SNTG1: variants seen among roughly 807,000 people sequenced by gnomAD.
SNTG1 encodes the protein syntrophin gamma 1, also known as gamma-1-syntrophin.
In SNTG1, 39 loss-of-function variants were observed where a neutral mutation model predicts 74.7. That is an observed-to-expected ratio of 0.52 (90% confidence interval 0.40 to 0.68). The LOEUF (loss-of-function observed/expected upper bound fraction) is 0.68, where lower values mean the gene tolerates loss of function less well. Ranked by LOEUF, SNTG1 falls within the 30% of genes least tolerant of loss-of-function variation. The pLI is 0.00. For missense variants in SNTG1, 685 were observed against 609.5 expected, an observed-to-expected ratio of 1.12 and a Z score of -1.30; for synonymous variants, 254 against 217.1, an observed-to-expected ratio of 1.17 and a Z score of -1.49.
At chr8:50,327,511 G>C (rs1459844282) in intron 2 of SNTG1, among the ~76,000 whole-genome samples, 1 of 152,066 alleles carries the variant, frequency 6.6e-6, no homozygotes, top group Non-Finnish European at 1.5e-5. Context: ...AACATTGTAT[G>C]TCTTTCTGTA....
rs112728682 is a variant in SNTG1, at chr8:50,361,719, C to T, written c.-27-32493C>T. Among the ~76,000 whole-genome samples, 241 of 152,064 alleles carry T rather than the reference C, an allele frequency of 1.6e-3. 3 individuals carry two copies. The highest frequency in any genetic ancestry group is 0.01 in the Middle Eastern group (3 of 294). ...ATTTTTCAGTTCCTTTATAATCTTA[C>T]GGGACCACTTAACATGAACCTAGGA... is the stretch of plus-strand genomic sequence containing the variant. On this transcript the variant is annotated intron_variant, in intron 2 of 18. Transcript: ENST00000642720.
chr8:50,508,822 C>T (rs1163964998), intron 9 of SNTG1, among the ~76,000 whole-genome samples: 1 of 152,002 alleles, frequency 6.6e-6, no homozygotes, highest in African/African-American at 2.4e-5. Context: ...GGATATTAGC[C>T]CTTTTTCAGA....
chr8:50,445,792 G>T (rs2093401386), intron 5 of SNTG1, among the ~76,000 whole-genome samples: 1 of 152,172 alleles, frequency 6.6e-6, no homozygotes, highest in African/African-American at 2.4e-5. Context: ...GGAGAAGATG[G>T]TGATGAAAGC....
At chr8:50,775,547 T>C (rs1020661742) in intron 18 of SNTG1, among the ~76,000 whole-genome samples, 6 of 151,844 alleles carry the variant, frequency 4.0e-5, no homozygotes, top group Middle Eastern at 3.4e-3. Flanking sequence ...GCCCCCAGTA[T>C]GGTCAAGTTT....
intron 18 of SNTG1, among the ~76,000 whole-genome samples, chr8:50,755,909 A>G (rs1490791328): frequency 6.6e-6 from 1 of 151,290 alleles, no homozygotes; most frequent in African/African-American, 2.4e-5. Context: ...ATTCTTTGGT[A>G]AGGTATCTGT....
chr8:50,196,763 C>A (rs2083784439), intron 2 of SNTG1, among the ~76,000 whole-genome samples: 1 of 151,144 alleles, frequency 6.6e-6, no homozygotes, highest in Non-Finnish European at 1.5e-5. Flanking sequence ...TTGAGATTAG[C>A]CTGGCCAACA....
chr8:50,004,164 G>A (rs1815000342), intron 1 of SNTG1, among the ~76,000 whole-genome samples: 2 of 152,016 alleles, frequency 1.3e-5, no homozygotes, highest in East Asian at 1.9e-4. Flanking sequence ...GTATGAAAAC[G>A]TACACAAACC....
chr8:50,577,718 T>C (rs2094585161), intron 12 of SNTG1, among the ~76,000 whole-genome samples: 1 of 152,206 alleles, frequency 6.6e-6, no homozygotes, highest in Admixed American at 6.5e-5. Context: ...CCCTCATTAG[T>C]CAGGAAAATA....
At chr8:50,619,507 A>G (rs113879829) in intron 13 of SNTG1, among the ~76,000 whole-genome samples, 6,554 of 152,230 alleles carry the variant, frequency 0.043, 247 homozygotes, top group African/African-American at 0.094. Flanking sequence ...CGAGGCGGGC[A>G]GATCACGAGG....
chr8:50,624,161 T>TATA (rs1472019551), intron 13 of SNTG1, among the ~76,000 whole-genome samples: 12 of 152,006 alleles, frequency 7.9e-5, no homozygotes, highest in Admixed American at 2.0e-4. Flanking sequence ...ATACACATAG[T>TATA]CATATATCAC....
chr8:50,283,001 C>G (rs1279426254), intron 2 of SNTG1, among the ~76,000 whole-genome samples: 1 of 152,054 alleles, frequency 6.6e-6, no homozygotes, highest in Non-Finnish European at 1.5e-5. Flanking sequence ...GGGTAGTAAA[C>G]AAATGGTAAA....
At chr8:50,231,349 G>A (rs755538637) in intron 2 of SNTG1, among the ~76,000 whole-genome samples, 3 of 151,156 alleles carry the variant, frequency 2.0e-5, no homozygotes, top group Non-Finnish European at 3.0e-5. Flanking sequence ...TAAAAAGAGA[G>A]TTACCATATG....
At chr8:50,355,703 C>G (rs1469632519) in intron 2 of SNTG1, among the ~76,000 whole-genome samples, 2 of 152,152 alleles carry the variant, frequency 1.3e-5, no homozygotes, top group African/African-American at 4.8e-5. Context: ...AAAATTTATG[C>G]AAGAATCAGC....
At chr8:50,467,580 A>C (rs2093619115) in intron 8 of SNTG1, among the ~76,000 whole-genome samples, 1 of 151,832 alleles carries the variant, frequency 6.6e-6, no homozygotes, top group Non-Finnish European at 1.5e-5. Context: ...TCTTTTCAAA[A>C]AACAAGCATT....
At chr8:50,658,762 G>A in intron 15 of SNTG1, 99 bp downstream of exon 15, 4 of 717,350 alleles carry the variant, frequency 5.6e-6, no homozygotes, top group South Asian at 1.9e-5. Flanking sequence ...TTCATGGAAT[G>A]AAAGAAGAGA....
At chr8:50,711,255 C>A (rs1356846856) in intron 17 of SNTG1, among the ~76,000 whole-genome samples, 1 of 152,202 alleles carries the variant, frequency 6.6e-6, no homozygotes, top group South Asian at 2.1e-4. Context: ...TATTTTCTAT[C>A]TATTTTTTCT....
At chr8:50,488,826 G>A (rs375332370) in intron 8 of SNTG1, among the ~76,000 whole-genome samples, 4 of 151,980 alleles carry the variant, frequency 2.6e-5, no homozygotes, top group Admixed American at 6.6e-5. Flanking sequence ...TGTGCAGAAC[G>A]CGCAGGTTTG....
intron 1 of SNTG1, among the ~76,000 whole-genome samples, chr8:50,110,932 TCTAGGTATGTC>T (rs1452358008): frequency 6.6e-6 from 1 of 152,186 alleles, no homozygotes; most frequent in Non-Finnish European, 1.5e-5. Flanking sequence ...ACTTCTTTAA[TCTAGGTATGTC>T]CTAAACAATT....
intron 15 of SNTG1, among the ~76,000 whole-genome samples, chr8:50,694,577 CTT>C (rs1318107615): frequency 6.6e-6 from 1 of 152,016 alleles, no homozygotes; most frequent in Non-Finnish European, 1.5e-5. Flanking sequence ...CTTCCAAACT[CTT>C]TTTATGAGGA....
Sources: gnomAD v4.1 joint callset for allele counts (sites outside exome capture counted in the v4.1 genomes callset) on GRCh38, gnomAD v4.1.1 for gene constraint, MANE v1.5 for transcripts, NCBI Gene and HGNC (gene_info 2026-07-23, HGNC 2026-07-21) for gene names.